The following RAI2 variants were observed in gnomAD, a reference collection of about 807,000 sequenced individuals.
The protein encoded by RAI2 is retinoic acid induced 2.
A neutral mutation model predicts 15.3 loss-of-function variants in RAI2; 5 were observed. The observed-to-expected ratio is 0.33, with a 90% CI of 0.17 to 0.69. The LOEUF is 0.69. Ranked by LOEUF, RAI2 falls within the 30% of genes least tolerant of loss-of-function variation. RAI2 has a pLI of 0.69. For synonymous variants in RAI2, 191 were observed against 184.0 expected (o/e 1.04, Z -0.31); for missense variants, 424 against 424.7 (o/e 1.00, Z 0.01).
intron 1 of RAI2, among the ~76,000 whole-genome samples, chrX:17,812,106 C>T (rs1435265066): frequency 1.8e-5 from 2 of 111,513 alleles, no homozygotes; most frequent in African/African-American, 3.3e-5. Context: ...TCAGCACTGT[C>T]GATACAGTCT....
chrX:17,844,076 A>G (rs1166804555), intron 1 of RAI2, among the ~76,000 whole-genome samples: 1 of 112,383 alleles, frequency 8.9e-6, no homozygotes, highest in Non-Finnish European at 1.9e-5. Flanking sequence ...AGGAGAACAA[A>G]TAAGTCCTTT....
Position 17,800,796 on chromosome X carries a change from A to G in RAI2, c.1215T>C (p.Ser405=), listed in dbSNP as rs1244391051. ...PAMMDSHISS[S]DAATEMLSQP... ...GGCTGAGCATCTCGGTAGCAGCATC[A>G]CTGCTGCTGATGTGACTATCCATCA... The change falls in exon 2 of 2, where the codon AGT becomes AGC. Residue 405 remains serine (S), a synonymous_variant. Coordinates refer to ENST00000451717, the MANE Select transcript of RAI2 (RefSeq NM_021785.6). The G allele has an allele frequency of 2.5e-6, 3 of 1,210,538 alleles. No homozygotes were observed. The highest frequency in any genetic ancestry group is 3.4e-6 in the Non-Finnish European group (3 of 894,437).
intron 1 of RAI2, among the ~76,000 whole-genome samples, chrX:17,821,899 A>G (rs2067169266): frequency 9.1e-6 from 1 of 110,477 alleles, no homozygotes; most frequent in Admixed American, 9.7e-5. Context: ...GAAGTGACAA[A>G]CAGTATATTG....
intron 1 of RAI2, among the ~76,000 whole-genome samples, chrX:17,838,094 A>G (rs1455196546): frequency 8.9e-6 from 1 of 112,610 alleles, no homozygotes; most frequent in Admixed American, 9.4e-5. Flanking sequence ...CCTATACTGC[A>G]TGATCCTGTT....
intron 1 of RAI2, among the ~76,000 whole-genome samples, chrX:17,846,929 T>C (rs1489272280): frequency 1.8e-5 from 2 of 111,968 alleles, no homozygotes; most frequent in African/African-American, 6.5e-5. Flanking sequence ...CCCCATACTG[T>C]TCTCATGGTA....
intron 1 of RAI2, among the ~76,000 whole-genome samples, chrX:17,825,910 G>A (rs763560717): frequency 5.3e-5 from 6 of 112,551 alleles, no homozygotes; most frequent in South Asian, 3.7e-4. Context: ...CAGAGGTCAC[G>A]TTGACCTCCA....
intron 1 of RAI2, among the ~76,000 whole-genome samples, chrX:17,833,821 C>T (rs1216695658): frequency 8.9e-6 from 1 of 112,073 alleles, no homozygotes; most frequent in Non-Finnish European, 1.9e-5. Flanking sequence ...TTGCTTTGAG[C>T]TTGATCCAGC....
intron 1 of RAI2, among the ~76,000 whole-genome samples, chrX:17,856,358 A>G (rs2067604245): frequency 9.0e-6 from 1 of 111,606 alleles, no homozygotes; most frequent in South Asian, 3.7e-4. Flanking sequence ...TTAGGTCGTG[A>G]GAGTGGAGCC....
intron 1 of RAI2, among the ~76,000 whole-genome samples, chrX:17,820,724 C>CA (rs1341967223): frequency 9.0e-6 from 1 of 111,038 alleles, no homozygotes; most frequent in Admixed American, 9.6e-5. Context: ...TCCTTGCCTG[C>CA]AAAATGGGGA....
At chrX:17,838,380 A>G (rs953503449) in intron 1 of RAI2, among the ~76,000 whole-genome samples, 2 of 112,026 alleles carry the variant, frequency 1.8e-5, no homozygotes, top group Non-Finnish European at 3.8e-5. Flanking sequence ...CAATAAGTTG[A>G]AAGAATAATA....
chrX:17,851,193 C>A (rs767224300), intron 1 of RAI2, among the ~76,000 whole-genome samples: 1 of 112,513 alleles, frequency 8.9e-6, no homozygotes, highest in East Asian at 2.8e-4. Flanking sequence ...CCTTTTCTAA[C>A]CTTCTTAAAA....
intron 1 of RAI2, among the ~76,000 whole-genome samples, chrX:17,855,150 G>A (rs1345646636): frequency 2.7e-5 from 3 of 111,838 alleles, no homozygotes; most frequent in African/African-American, 9.7e-5. Flanking sequence ...TGTCTCCCTC[G>A]CAGAAATTTT....
At chrX:17,839,879 A>G (rs1286806155) in intron 1 of RAI2, among the ~76,000 whole-genome samples, 1 of 112,566 alleles carries the variant, frequency 8.9e-6, no homozygotes, top group Non-Finnish European at 1.9e-5. Context: ...CAAGGAAACT[A>G]TTTAAGGGAA....
chrX:17,812,915 G>GT (rs1408685732), intron 1 of RAI2, among the ~76,000 whole-genome samples: 1 of 111,961 alleles, frequency 8.9e-6, no homozygotes, highest in East Asian at 2.8e-4. Flanking sequence ...GAGGAAAGCT[G>GT]TGAGGAAAAC....
intron 1 of RAI2, among the ~76,000 whole-genome samples, chrX:17,825,167 A>G (rs778749854): frequency 8.9e-6 from 1 of 112,934 alleles, no homozygotes; most frequent in East Asian, 2.8e-4. Flanking sequence ...GGGGGAAAAA[A>G]ATCAAAGGAA....
chrX:17,809,084 T>C (rs909106055), intron 1 of RAI2, among the ~76,000 whole-genome samples: 1 of 112,213 alleles, frequency 8.9e-6, no homozygotes, highest in African/African-American at 3.2e-5. Context: ...TGAACATAAT[T>C]ACCACATGAA....
intron 1 of RAI2, among the ~76,000 whole-genome samples, chrX:17,815,940 T>C (rs1411933937): frequency 9.1e-6 from 1 of 110,328 alleles, no homozygotes; most frequent in Non-Finnish European, 1.9e-5. Flanking sequence ...AGCCATTAGG[T>C]TGGGAGGAAA....
chrX:17,801,677 A>G lies in RAI2; in HGVS notation c.334T>C (p.Tyr112His). Residue 112 changes from tyrosine (Y) to histidine (H), a missense_variant, in exon 2 of 2, where the codon TAC (tyrosine) becomes CAC (histidine). By Grantham distance (83) the Tyr-to-His change is moderately conservative. Coordinates refer to ENST00000451717, the MANE Select transcript of RAI2 (RefSeq NM_021785.6). ...ACGGGGCCCTGGGTGGTCATGACGT[A>G]GGTGGCATTGCCATTCGGATTGAGC... ...PELNPNGNATYVMTTQGPVQL... is the reference protein window; with the variant it reads ...PELNPNGNATHVMTTQGPVQL... 8.3e-7 allele frequency: 1 copy of G among 1,212,052 alleles called. No homozygotes were observed. Among genetic ancestry groups the G allele is most frequent in the Non-Finnish European group, 1.1e-6 (1 of 895,582 alleles).
chrX:17,834,252 T>G (rs2067310964), intron 1 of RAI2, among the ~76,000 whole-genome samples: 1 of 111,245 alleles, frequency 9.0e-6, no homozygotes, highest in Admixed American at 9.6e-5. Flanking sequence ...CATTTTATGG[T>G]GATTTATTCT....
Sources: gnomAD v4.1 joint callset for allele counts (sites outside exome capture counted in the v4.1 genomes callset) on GRCh38, gnomAD v4.1.1 for gene constraint, MANE v1.5 for transcripts, NCBI Gene and HGNC (gene_info 2026-07-23, HGNC 2026-07-21) for gene names.